ZNF536: variants seen among roughly 807,000 people sequenced by gnomAD.
ZNF536 encodes zinc finger protein 536.
A neutral mutation model predicts 84.5 loss-of-function variants in ZNF536; 13 were observed. That is an observed-to-expected ratio of 0.15 (90% CI 0.10 to 0.24). ZNF536 has a LOEUF of 0.24. ZNF536 is among the 10% of genes least tolerant of loss of function. ZNF536 has a pLI of 1.00. For synonymous variants in ZNF536, 811 were observed against 742.5 expected (o/e 1.09, Z -1.50); for missense variants, 1,536 against 1,747.5 (o/e 0.88, Z 2.16).
At chr19:30,235,684 A>G (rs1177555012) in intron 1 of ZNF536, among the ~76,000 whole-genome samples, 1 of 152,258 alleles carries the variant, frequency 6.6e-6, no homozygotes, top group African/African-American at 2.4e-5. Flanking sequence ...TATTTTCCCA[A>G]AATTTTAATT....
At chr19:30,430,270 C>CCATT (rs879739556) in intron 1 of ZNF536, among the ~76,000 whole-genome samples, 1 of 152,000 alleles carries the variant, frequency 6.6e-6, no homozygotes, top group Non-Finnish European at 1.5e-5. Context: ...ATTCATTCAT[C>CCATT]CATTCATTCA....
intron 1 of ZNF536, among the ~76,000 whole-genome samples, chr19:30,381,524 A>G (rs966132075): frequency 4.6e-5 from 7 of 152,190 alleles, no homozygotes; most frequent in Non-Finnish European, 7.3e-5. Flanking sequence ...AGACAGTGGG[A>G]TCTTGCAGGG....
rs149529275 is a variant in ZNF536 at position 30,372,808 on chromosome 19, C to T, written c.-3+252C>T. Among the ~76,000 whole-genome samples, 46 of 148,036 alleles carry T rather than the reference C, an allele frequency of 3.1e-4. No individual in the cohort carries two copies. In the East Asian group the frequency reaches 8.4e-3, roughly 27 times the overall value. ...GTTAAAACTTTTCCTATAATTCCTA[C>T]ATTAATTCTCTCCATCACCCGCCCC... On this transcript the variant is annotated intron_variant, in intron 1 of 4. Coordinates refer to ENST00000355537, the MANE Select transcript of ZNF536 (RefSeq NM_014717.3).
At chr19:30,389,166 G>A (rs973039446) in intron 1 of ZNF536, among the ~76,000 whole-genome samples, 1 of 152,192 alleles carries the variant, frequency 6.6e-6, no homozygotes, top group Non-Finnish European at 1.5e-5. Flanking sequence ...CACGTTCCAC[G>A]TGCCTCCACG....
At chr19:30,375,252 G>T (rs981883775) in intron 1 of ZNF536, among the ~76,000 whole-genome samples, 8 of 149,166 alleles carry the variant, frequency 5.4e-5, no homozygotes, top group Non-Finnish European at 8.9e-5. Flanking sequence ...GCCGGCCCGC[G>T]GCTGCCAGCC....
intron 2 of ZNF536, among the ~76,000 whole-genome samples, chr19:30,460,076 C>T (rs1018680021): frequency 1.3e-5 from 2 of 152,172 alleles, no homozygotes; most frequent in Non-Finnish European, 2.9e-5. Context: ...CTCACATCCC[C>T]ATGCCACCAA....
intron 1 of ZNF536, among the ~76,000 whole-genome samples, chr19:30,280,928 C>T (rs1008645665): frequency 6.6e-5 from 10 of 152,268 alleles, no homozygotes; most frequent in Non-Finnish European, 1.0e-4. Flanking sequence ...TGTATGTCTG[C>T]GTTCAGCGGG....
chr19:30,474,664 A>T (rs1172751268), intron 2 of ZNF536, among the ~76,000 whole-genome samples: 1 of 152,154 alleles, frequency 6.6e-6, no homozygotes, highest in Non-Finnish European at 1.5e-5. Context: ...AACATTGATT[A>T]CTATTAATTA....
intron 1 of ZNF536, among the ~76,000 whole-genome samples, chr19:30,264,964 T>TGAGAGAGAGA (rs1168287035): frequency 2.1e-3 from 146 of 68,110 alleles, no homozygotes; most frequent in African/African-American, 7.9e-3. Flanking sequence ...TGTGTGTGTG[T>TGAGAGAGAGA]GTGAGAGAGA....
intron 1 of ZNF536, among the ~76,000 whole-genome samples, chr19:30,397,379 G>C (rs1475645758): frequency 6.6e-6 from 1 of 152,216 alleles, no homozygotes; most frequent in Non-Finnish European, 1.5e-5. Flanking sequence ...TCACAGATGA[G>C]TGCATGTGAA....
At chr19:30,616,169 G>T (rs1247588945) in intron 1 of ZNF536, among the ~76,000 whole-genome samples, 1 of 152,070 alleles carries the variant, frequency 6.6e-6, no homozygotes, top group Non-Finnish European at 1.5e-5. Flanking sequence ...TAGAATTCAT[G>T]CTTCTTGCTC....
intron 2 of ZNF536, among the ~76,000 whole-genome samples, chr19:30,487,516 G>C (rs1182507351): frequency 6.6e-6 from 1 of 151,914 alleles, no homozygotes; most frequent in Non-Finnish European, 1.5e-5. Context: ...TGCCTTCTCA[G>C]TCTCTCTCTC....
chr19:30,570,141 A>G (rs1207992444), intron 1 of ZNF536, among the ~76,000 whole-genome samples: 1 of 152,158 alleles, frequency 6.6e-6, no homozygotes, highest in Non-Finnish European at 1.5e-5. Flanking sequence ...AGAGGGGAGA[A>G]CCAGGCCTCT....
At chr19:30,692,604 G>A (rs762019701) in intron 1 of ZNF536, among the ~76,000 whole-genome samples, 30 of 152,238 alleles carry the variant, frequency 2.0e-4, no homozygotes, top group African/African-American at 4.8e-4. Context: ...ACGGAACGCC[G>A]TTCTGCCATG....
intron 1 of ZNF536, among the ~76,000 whole-genome samples, chr19:30,252,682 G>T (rs1238515247): frequency 6.6e-6 from 1 of 152,182 alleles, no homozygotes; most frequent in Non-Finnish European, 1.5e-5. Flanking sequence ...GGGAATCTTT[G>T]CCTGCCTAAT....
intron 2 of ZNF536, among the ~76,000 whole-genome samples, chr19:30,476,427 G>A (rs995113775): frequency 6.6e-6 from 1 of 152,098 alleles, no homozygotes; most frequent in Non-Finnish European, 1.5e-5. Context: ...TCTGTTAATG[G>A]CGCACATGGA....
intron 1 of ZNF536, among the ~76,000 whole-genome samples, chr19:30,579,806 A>T (rs1485564484): frequency 1.3e-5 from 2 of 152,170 alleles, no homozygotes; most frequent in African/African-American, 4.8e-5. Flanking sequence ...CAGTCTCAGG[A>T]CAGCACTCTG....
chr19:30,444,279 C>A lies in ZNF536; in HGVS notation c.717C>A (p.Thr239=), dbSNP rs1204289475. ...AGCAGGCCCCGCTGGCCGCCTGCAC[C>A]CTGGCCCTGCAGGCTAACCACAGCG... ...HAQQAPLAAC[T]LALQANHSVP... is the part of the protein sequence containing the mutation. The change falls in exon 2 of 5, where the codon ACC becomes ACA. Residue 239 remains threonine, a synonymous_variant. Transcript: ENST00000355537. 1 of 1,566,852 alleles carries A rather than the reference C, an allele frequency of 6.4e-7. No homozygotes were observed. Among genetic ancestry groups the A allele is most frequent in the East Asian group, 2.3e-5 (1 of 42,676 alleles).
At chr19:30,226,705 G>C (rs2144560506), upstream of ZNF536, among the ~76,000 whole-genome samples, 1 of 152,294 alleles carries the variant, frequency 6.6e-6, no homozygotes, top group Admixed American at 6.5e-5. The surrounding 1 kb of genome is among the most constrained non-coding windows in gnomAD (Gnocchi z 4.6). Context: ...ACAGGTTATG[G>C]AGGGAAAAGA....
Sources: gnomAD v4.1 joint callset for allele counts (sites outside exome capture counted in the v4.1 genomes callset) on GRCh38, gnomAD v4.1.1 for gene constraint, Gnocchi (gnomAD v3.1) non-coding constraint, MANE v1.5 for transcripts, NCBI Gene and HGNC (gene_info 2026-07-23, HGNC 2026-07-21) for gene names.